The following PPAT variants were observed in gnomAD, a reference collection of about 807,000 sequenced individuals.
PPAT encodes amidophosphoribosyltransferase.
PPAT carries 20 observed loss-of-function variants against 60.2 expected under a neutral mutation model. The observed-to-expected ratio is 0.33, with a 90% CI of 0.23 to 0.48. PPAT has a LOEUF of 0.48. Ranked by LOEUF, PPAT falls within the 20% of genes least tolerant of loss-of-function variation. The probability of loss-of-function intolerance (pLI) is 0.99; values close to 1 mark genes in which losing one functional copy is unlikely to be tolerated. For missense variants in PPAT, 349 were observed against 629.6 expected (o/e 0.55, Z 4.77); for synonymous variants, 194 against 215.1 (o/e 0.90, Z 0.86).
intron 1 of PPAT, among the ~76,000 whole-genome samples, chr4:56,414,013 T>C (rs1716597827): frequency 6.6e-6 from 1 of 152,240 alleles, no homozygotes; most frequent in Non-Finnish European, 1.5e-5. Flanking sequence ...ACCAGTAAGG[T>C]AGAACACTTT....
intron 1 of PPAT, among the ~76,000 whole-genome samples, chr4:56,417,287 A>G (rs991927471): frequency 1.3e-5 from 2 of 152,344 alleles, no homozygotes; most frequent in East Asian, 1.9e-4. Context: ...TTTGTAACCT[A>G]AATAAGAAAA....
chr4:56,421,551 A>G (rs559618281), intron 1 of PPAT: 2 of 152,366 alleles, frequency 1.3e-5, no homozygotes, highest in South Asian at 2.1e-4. Flanking sequence ...AAAGACCTCT[A>G]CTAACCACAG....
chr4:56,429,507 T>C (rs1227216581), intron 1 of PPAT, among the ~76,000 whole-genome samples: 2 of 152,154 alleles, frequency 1.3e-5, no homozygotes, highest in African/African-American at 2.4e-5. Context: ...TAATGCAATA[T>C]AGCATGTAGA....
At chr4:56,404,753 C>T (rs1716202813) in intron 3 of PPAT, among the ~76,000 whole-genome samples, 1 of 152,036 alleles carries the variant, frequency 6.6e-6, no homozygotes, top group Non-Finnish European at 1.5e-5. Flanking sequence ...ATTATAATGC[C>T]TATGAACAGG....
In PPAT at chr4:56,435,401, T is replaced by G. The variant is rs776654985; in HGVS notation, c.77A>C (p.Gln26Pro). The change falls in exon 1 of 11, where the codon CAG becomes CCG. Residue 26 changes from glutamine to proline, a missense_variant. Around this residue, in one of 5 missense-constraint regions of PPAT, gnomAD observed 115 missense variants for 174.5 expected, o/e 0.66. Transcript: ENST00000264220. ...AGTGATCACATGCGGTACATCCAGCTGCGTGGGCCACTCTCCTGAGGCGAT... is the reference window on the plus strand; with the variant it reads ...AGTGATCACATGCGGTACATCCAGCGGCGTGGGCCACTCTCCTGAGGCGAT... ...GCIASGEWPT[Q>P]LDVPHVITLG... 3 of 1,613,614 alleles carry G rather than the reference T, an allele frequency of 1.9e-6. No homozygotes were observed. The highest frequency in any genetic ancestry group is 4.5e-5 in the East Asian group (2 of 44,844).
chr4:56,398,051 G>GA (rs61063723), intron 9 of PPAT, among the ~76,000 whole-genome samples: 51,420 of 151,236 alleles, frequency 0.34, 9,351 homozygotes, highest in Non-Finnish European at 0.41. Flanking sequence ...AAGGAAAAAA[G>GA]AAAAAAAGGC....
intron 1 of PPAT, among the ~76,000 whole-genome samples, chr4:56,414,813 G>A (rs557006170): frequency 6.6e-6 from 1 of 152,266 alleles, no homozygotes; most frequent in East Asian, 1.9e-4. Context: ...TTCTCTAAAG[G>A]TAATTCTTAC....
chr4:56,422,868 T>A (rs1463115589), intron 1 of PPAT: 1 of 152,344 alleles, frequency 6.6e-6, no homozygotes, highest in South Asian at 2.1e-4. Flanking sequence ...AGCATCAGCA[T>A]TAACTGAGAA....
intron 1 of PPAT, chr4:56,410,549 G>A (rs1716399437): frequency 4.1e-6 from 4 of 986,630 alleles, no homozygotes; most frequent in Non-Finnish European, 4.8e-6. Flanking sequence ...CTGGACTGAG[G>A]AGGAGGTTAA....
At chr4:56,402,943 C>T (rs1716153526) in intron 5 of PPAT, 97 bp downstream of exon 5, 10 of 1,120,884 alleles carry the variant, frequency 8.9e-6, no homozygotes, top group African/African-American at 1.6e-5. Flanking sequence ...TCCCTCCCAC[C>T]CATCAACTTT....
intron 1 of PPAT, among the ~76,000 whole-genome samples, chr4:56,411,162 G>A (rs1716444716): frequency 6.6e-6 from 1 of 152,124 alleles, no homozygotes; most frequent in Non-Finnish European, 1.5e-5. Context: ...CTGACTGCTA[G>A]TGCCAACTGC....
chr4:56,412,872 C>T (rs1260260529), intron 1 of PPAT, among the ~76,000 whole-genome samples: 2 of 152,126 alleles, frequency 1.3e-5, no homozygotes, highest in Non-Finnish European at 2.9e-5. Flanking sequence ...TTGTTCTTTA[C>T]ATTTTTAAAT....
intron 1 of PPAT, among the ~76,000 whole-genome samples, chr4:56,430,130 T>G (rs1229330860): frequency 6.6e-6 from 1 of 152,172 alleles, no homozygotes; most frequent in African/African-American, 2.4e-5. Context: ...TATATCCCAT[T>G]ACTTTTTAAA....
At chr4:56,433,486 C>G (rs1578140286) in intron 1 of PPAT, among the ~76,000 whole-genome samples, 1 of 133,910 alleles carries the variant, frequency 7.5e-6, no homozygotes. Context: ...CCAGTGCTAA[C>G]ATGTAAGTTA....
intron 1 of PPAT, among the ~76,000 whole-genome samples, chr4:56,412,529 T>A (rs1716515538): frequency 1.3e-5 from 2 of 152,162 alleles, no homozygotes; most frequent in Admixed American, 1.3e-4. Context: ...CTTGAACTCC[T>A]GGGTTCAAGA....
In PPAT at chr4:56,401,327, TA is replaced by T. The variant is rs1181265657; in HGVS notation, c.886+2del. 1 of 1,566,050 alleles carries T rather than the reference TA, an allele frequency of 6.4e-7. No individual in the cohort carries two copies. The highest frequency in any genetic ancestry group is 8.6e-7 in the Non-Finnish European group (1 of 1,159,216). On this transcript the variant is annotated splice_donor_variant, in intron 7 of 10. Transcript: ENST00000264220. LOFTEE classifies it high-confidence loss of function. ...AATGTTCAAAGAAAAGAAATCTACT[TA>T]CCTTCGAACATACTGTCTGGTCTTG...
Position 56,399,061 on chromosome 4 carries a change from T to C in PPAT, c.1236+118A>G, listed in dbSNP as rs955215795. 6 of 839,368 alleles carry C rather than the reference T, an allele frequency of 7.1e-6. No homozygotes were observed. In the East Asian group the frequency reaches 1.3e-4, roughly 19 times the overall value. The allele number at this position is 839,368 out of a possible 1,614,324, so 52.0% of individuals were successfully genotyped here. On this transcript the variant is annotated intron_variant, in intron 9 of 10. Transcript: ENST00000264220. ...CACAGTTATTCCTAAACCAAACTGATAAAAAAAGTTAATTTATTATATTGA... is the reference window on the plus strand; with the variant it reads ...CACAGTTATTCCTAAACCAAACTGACAAAAAAAGTTAATTTATTATATTGA...
intron 5 of PPAT, among the ~76,000 whole-genome samples, chr4:56,402,405 T>C (rs1413486851): frequency 6.6e-6 from 1 of 152,120 alleles, no homozygotes; most frequent in Non-Finnish European, 1.5e-5. Context: ...AAAAGATATC[T>C]TGATAAAAGT....
intron 3 of PPAT, among the ~76,000 whole-genome samples, chr4:56,404,663 AT>A (rs1220462021): frequency 6.9e-6 from 1 of 145,290 alleles, no homozygotes; most frequent in East Asian, 2.2e-4. Flanking sequence ...TTTACTCCAT[AT>A]TTATACTTTC....
Sources: allele counts gnomAD v4.1 joint callset (sites outside exome capture counted in the v4.1 genomes callset), GRCh38; gene constraint gnomAD v4.1.1; regional missense constraint gnomAD v4.1.1; transcripts MANE v1.5; gene names NCBI Gene and HGNC (gene_info 2026-07-23, HGNC 2026-07-21).